Variants in COL6A5 observed in about 807,000 individuals in gnomAD.
The protein encoded by COL6A5 is collagen alpha-5(VI) chain.
Under a neutral mutation model 65.6 loss-of-function variants are expected in COL6A5, and 48 were observed. The ratio of observed to expected loss-of-function variants is 0.73; its 90% CI spans 0.58 to 0.93. The LOEUF (loss-of-function observed/expected upper bound fraction) is 0.93. COL6A5 is among the 40% of genes least tolerant of loss of function. The pLI is 0.00. For missense variants in COL6A5, 914 were observed against 928.3 expected (o/e 0.98, Z 0.20); for synonymous variants, 291 against 322.8 (o/e 0.90, Z 1.05).
chr3:130,389,230 G>T, intron 6 of COL6A5, 96 bp downstream of exon 6: 1 of 726,106 alleles, frequency 1.4e-6, no homozygotes, highest in Non-Finnish European at 2.0e-6. Flanking sequence ...ACCTCCACCT[G>T]GACTTCAGTG....
chr3:130,369,198 A>T (rs530908820), intron 1 of COL6A5, among the ~76,000 whole-genome samples: 1 of 152,270 alleles, frequency 6.6e-6, no homozygotes, highest in South Asian at 2.1e-4. Flanking sequence ...ATTTCTTACC[A>T]TATTTCAGGG....
Position 130,440,352 on chromosome 3 carries a change from G to A in COL6A5, c.770G>A (p.Gly257Asp), listed in dbSNP as rs763389635. 1.9e-6 allele frequency: 3 copies of A among 1,613,444 alleles called. No homozygotes were observed. In the South Asian group the frequency reaches 3.3e-5, roughly 18 times the overall value. ...TCAGACCCTTTAATCTCAGACTCTGGTGATAGGATTGCTTTGTTGAGCTAT... is the reference window on the plus strand; with the variant it reads ...TCAGACCCTTTAATCTCAGACTCTGATGATAGGATTGCTTTGTTGAGCTAT... Residue 257 changes from glycine (G) to aspartate (D), a missense_variant, in exon 3 of 8, where the codon GGT (glycine) becomes GAT (aspartate). By Grantham distance (94) the Gly-to-Asp change is moderately conservative. Coordinates refer to ENST00000512836, the Ensembl canonical transcript of COL6A5.
In COL6A5 at chr3:130,398,132, T is replaced by G. The variant is rs1022101365; in HGVS notation, c.3991+21T>G. The G allele has an allele frequency of 1.9e-4, 254 of 1,349,742 alleles. No individual in the cohort carries two copies. In the East Asian group the frequency reaches 3.3e-3, roughly 18 times the overall value. The allele number at this position is 1,349,742 out of a possible 1,614,324, so 83.6% of individuals were successfully genotyped here. ...AGCAGGTATTGAGTTGTTGTTGTTT[T>G]TTTTTTTTTTTTTTTTGAGATGGAG... On this transcript the variant is annotated intron_variant and NMD_transcript_variant, in intron 10 of 41. Transcript: ENST00000312481.
At chr3:130,480,071 A>T (rs995083905) in intron 7 of COL6A5, among the ~76,000 whole-genome samples, 1 of 152,098 alleles carries the variant, frequency 6.6e-6, no homozygotes, top group Non-Finnish European at 1.5e-5. Context: ...AGATCCATCG[A>T]TGTAAATAAT....
chr3:130,443,501 G>A (rs750306317), exon 4 of COL6A5: 18 of 1,610,714 alleles, frequency 1.1e-5, no homozygotes, highest in Admixed American at 1.0e-4. Flanking sequence ...ACCCACCACC[G>A]ATGCTTGAGG....
intron 7 of COL6A5, chr3:130,471,723 A>T (rs932369349): frequency 2.6e-6 from 4 of 1,534,478 alleles, no homozygotes; most frequent in Non-Finnish European, 3.5e-6. Context: ...GAAAATGGTG[A>T]TCTGTTTGAT....
At chr3:130,436,535 C>T (rs1709039221) in intron 1 of COL6A5, among the ~76,000 whole-genome samples, 2 of 152,144 alleles carry the variant, frequency 1.3e-5, no homozygotes, top group South Asian at 4.1e-4. Context: ...ATTTGGATTC[C>T]TACTACTCTC....
At chr3:130,347,938 G>A (rs1934559762) in intron 1 of COL6A5, among the ~76,000 whole-genome samples, 1 of 152,120 alleles carries the variant, frequency 6.6e-6, no homozygotes, top group South Asian at 2.1e-4. Context: ...CCTACTTTAT[G>A]AGGAAGGGCT....
chr3:130,355,982 A>C (rs538836946), intron 1 of COL6A5, among the ~76,000 whole-genome samples: 33 of 152,266 alleles, frequency 2.2e-4, no homozygotes, highest in African/African-American at 6.3e-4. Context: ...ATATCAGAAA[A>C]TGTTGAGGTC....
At chr3:130,400,400 G>A in intron 10 of COL6A5, among the ~76,000 whole-genome samples, 1 of 152,182 alleles carries the variant, frequency 6.6e-6, no homozygotes. Context: ...ATTATACAAT[G>A]ATTAATACAT....
exon 17 of COL6A5, chr3:130,406,307 G>A (rs778423498): frequency 2.0e-5 from 31 of 1,549,768 alleles, no homozygotes; most frequent in Non-Finnish European, 2.6e-5. Context: ...AGAAAAAGGT[G>A]ATCCAGGATC....
rs571851883 is a variant in COL6A5 at position 130,482,578 on chromosome 3, G to A, written c.2329-1457G>A. The stretch of plus-strand genomic sequence containing the variant: ...TAAAGTAGTTTTTTTCTAATTCTGT[G>A]AAGAAAGTCAATGGTAGCTTGATGG... On this transcript the variant is annotated intron_variant, in intron 7 of 7. Transcript: ENST00000512836. Among the ~76,000 whole-genome samples the A allele has an allele frequency of 1.1e-3, 161 of 152,204 alleles. 1 individual carries two copies. Among genetic ancestry groups the A allele is most frequent in the African/African-American group, 3.7e-3 (152 of 41,534 alleles).
chr3:130,441,821 G>A (rs191479360), intron 3 of COL6A5, among the ~76,000 whole-genome samples: 1 of 152,274 alleles, frequency 6.6e-6, no homozygotes, highest in African/African-American at 2.4e-5. Context: ...ATCCCCAAAA[G>A]TCAATAACAC....
At chr3:130,427,135 C>T (rs1577498785), upstream of COL6A5, among the ~76,000 whole-genome samples, 1 of 152,102 alleles carries the variant, frequency 6.6e-6, no homozygotes, top group African/African-American at 2.4e-5. Flanking sequence ...GACAATCAAA[C>T]TTTGAAAAAT....
intron 4 of COL6A5, among the ~76,000 whole-genome samples, chr3:130,447,402 A>G (rs953813315): frequency 1.3e-5 from 2 of 152,132 alleles, no homozygotes; most frequent in African/African-American, 4.8e-5. Flanking sequence ...AGCTGTGAAC[A>G]ATAAACTTAG....
At chr3:130,391,647 A>G in exon 7 of COL6A5, 1 of 1,551,684 alleles carries the variant, frequency 6.4e-7, no homozygotes, top group Non-Finnish European at 8.7e-7. Context: ...AAGGAACTTG[A>G]GGGTATGGCA....
exon 2 of COL6A5, chr3:130,373,669 A>C: frequency 6.5e-7 from 1 of 1,543,370 alleles, no homozygotes; most frequent in Non-Finnish European, 8.8e-7. Flanking sequence ...ATTTGTCCTA[A>C]TCATTTGGAC....
chr3:130,444,791 T>C (rs1709269141), intron 4 of COL6A5, among the ~76,000 whole-genome samples: 1 of 152,188 alleles, frequency 6.6e-6, no homozygotes, highest in Non-Finnish European at 1.5e-5. Context: ...GCTCCAGGCA[T>C]GATGGATAAG....
At chr3:130,408,001 G>A (rs374529310) in intron 17 of COL6A5, among the ~76,000 whole-genome samples, 66 of 151,962 alleles carry the variant, frequency 4.3e-4, no homozygotes, top group African/African-American at 4.4e-4. Context: ...GATATATGTC[G>A]CCTCAGGACC....
Sources: gnomAD v4.1 joint callset for allele counts (sites outside exome capture counted in the v4.1 genomes callset) on GRCh38, gnomAD v4.1.1 for gene constraint, MANE v1.5 for transcripts, NCBI Gene and HGNC (gene_info 2026-07-23, HGNC 2026-07-21) for gene names.